TRABD2B: variants seen among roughly 807,000 people sequenced by gnomAD.
The protein encoded by TRABD2B is metalloprotease TIKI2.
A neutral mutation model predicts 40.1 loss-of-function variants in TRABD2B; 14 were observed. The ratio of observed to expected loss-of-function variants is 0.35; its 90% CI spans 0.23 to 0.55. TRABD2B has a LOEUF of 0.55. TRABD2B is among the 20% of genes least tolerant of loss of function. The pLI is 0.90. For missense variants in TRABD2B, 541 were observed against 648.6 expected (o/e 0.83, Z 1.80); for synonymous variants, 263 against 277.0 (o/e 0.95, Z 0.50).
intron 2 of TRABD2B, among the ~76,000 whole-genome samples, chr1:47,810,840 G>T (rs781463967): frequency 3.3e-5 from 5 of 152,202 alleles, no homozygotes; most frequent in Admixed American, 6.5e-5. Flanking sequence ...GCTGAGCATG[G>T]CCTGGACCAC....
chr1:47,827,804 G>A (rs971121880), intron 2 of TRABD2B, among the ~76,000 whole-genome samples: 1 of 151,330 alleles, frequency 6.6e-6, no homozygotes, highest in South Asian at 2.1e-4. Flanking sequence ...TATTAAACAG[G>A]AGGGATTTAA....
At chr1:47,863,372 T>TTTTATATATATATATATATATATA (rs1553159661) in intron 2 of TRABD2B, among the ~76,000 whole-genome samples, 4 of 66,492 alleles carry the variant, frequency 6.0e-5, no homozygotes, top group East Asian at 6.5e-4. Context: ...CTATATAATT[T>TTTTATATATATATATATATATATA]TATATATATA....
chr1:47,993,421 T>G (rs1646041508), intron 2 of TRABD2B, among the ~76,000 whole-genome samples: 1 of 152,218 alleles, frequency 6.6e-6, no homozygotes, highest in Admixed American at 6.5e-5. Context: ...GCGAACACGC[T>G]TCTCTGAAAT....
chr1:47,824,255 C>T lies in TRABD2B; in HGVS notation c.667-22636G>A, dbSNP rs182264086. Among the ~76,000 whole-genome samples, 57 of 152,310 alleles carry T rather than the reference C, an allele frequency of 3.7e-4. No individual in the cohort carries two copies. In the East Asian group the frequency reaches 7.5e-3, roughly 20 times the overall value. ...GAAGGCAGTGTCTGGGCAGGCCCAGCTCCTTAGGCAACACAGATGGGTAAA... is the reference window on the plus strand; with the variant it reads ...GAAGGCAGTGTCTGGGCAGGCCCAGTTCCTTAGGCAACACAGATGGGTAAA... On this transcript the variant is annotated intron_variant, in intron 2 of 6. Transcript: ENST00000606738.
intron 2 of TRABD2B, among the ~76,000 whole-genome samples, chr1:47,838,098 CAAAG>C (rs1645343919): frequency 6.6e-6 from 1 of 152,220 alleles, no homozygotes; most frequent in Non-Finnish European, 1.5e-5. Flanking sequence ...ACACAGCACT[CAAAG>C]GAAGCAGTGT....
At chr1:47,990,834 TAA>T (rs1344708745) in intron 2 of TRABD2B, among the ~76,000 whole-genome samples, 10 of 98,556 alleles carry the variant, frequency 1.0e-4, no homozygotes, top group Admixed American at 2.3e-4. Flanking sequence ...TATATATATA[TAA>T]AACGTTGGTT....
intron 5 of TRABD2B, among the ~76,000 whole-genome samples, chr1:47,777,162 A>G (rs529987740): frequency 6.6e-6 from 1 of 152,310 alleles, no homozygotes; most frequent in Non-Finnish European, 1.5e-5. Context: ...TGCCCTGGCC[A>G]GAACAGACAC....
intron 2 of TRABD2B, among the ~76,000 whole-genome samples, chr1:47,827,197 T>C (rs1326084755): frequency 6.6e-6 from 1 of 152,200 alleles, no homozygotes; most frequent in Non-Finnish European, 1.5e-5. Context: ...AGCCTCCGGC[T>C]CACAGGGTGT....
At chr1:47,904,471 G>A (rs946123773) in intron 2 of TRABD2B, among the ~76,000 whole-genome samples, 1 of 152,226 alleles carries the variant, frequency 6.6e-6, no homozygotes, top group Non-Finnish European at 1.5e-5. Flanking sequence ...ATGTTACCGT[G>A]TTACAGCAGT....
At position 47,783,088 on chromosome 1, in the gene TRABD2B, GAA is replaced by G. The variant is rs1644548250; in HGVS notation, c.989-4546_989-4545del. Among the ~76,000 whole-genome samples the G allele has an allele frequency of 5.9e-5, 9 of 152,220 alleles. 2 individuals carry two copies. In the South Asian group the frequency reaches 1.9e-3, roughly 32 times the overall value. The stretch of plus-strand genomic sequence containing the variant: ...TGCAGACAAAGAGAGGGAGAGAGGA[GAA>G]AGAGAGAGAGAGGTAGGGAGAAGAG... On this transcript the variant is annotated intron_variant, in intron 4 of 6. Transcript: ENST00000606738.
intron 2 of TRABD2B, among the ~76,000 whole-genome samples, chr1:47,824,606 T>C (rs1471434753): frequency 6.6e-6 from 1 of 152,172 alleles, no homozygotes; most frequent in African/African-American, 2.4e-5. Flanking sequence ...TTCATTCTGA[T>C]CTCAAACTTG....
chr1:47,957,211 C>T lies in TRABD2B; in HGVS notation c.666+36823G>A, dbSNP rs189338659. ...ACACCAAAACTCCATCTGTATGTCA[C>T]CATCATCAGAGACCAAAAGTAGATA... is the stretch of plus-strand genomic sequence containing the variant. On this transcript the variant is annotated intron_variant, in intron 2 of 6. Coordinates refer to ENST00000606738, the MANE Select transcript of TRABD2B (RefSeq NM_001194986.2). Among the ~76,000 whole-genome samples the T allele has an allele frequency of 2.4e-3, 371 of 152,290 alleles. 1 individual carries two copies. The highest frequency in any genetic ancestry group is 8.3e-3 in the African/African-American group (347 of 41,558).
chr1:47,993,948 CT>C, intron 2 of TRABD2B, 85 bp downstream of exon 2: 1 of 1,365,046 alleles, frequency 7.3e-7, no homozygotes, highest in Non-Finnish European at 9.7e-7. Context: ...CTGCCTCCCC[CT>C]CCCCCTCGGA....
At chr1:47,916,372 A>T (rs1055914369) in intron 2 of TRABD2B, among the ~76,000 whole-genome samples, 3 of 152,198 alleles carry the variant, frequency 2.0e-5, no homozygotes, top group African/African-American at 7.2e-5. Flanking sequence ...TGCCCCTGGC[A>T]TCAAGGGACT....
At position 47,813,914 on chromosome 1, in the gene TRABD2B, C is replaced by G. The variant is rs1422909914; in HGVS notation, c.667-12295G>C. Among the ~76,000 whole-genome samples, 6 of 152,148 alleles carry G rather than the reference C, an allele frequency of 3.9e-5. No homozygotes were observed. The highest frequency in any genetic ancestry group is 1.4e-4 in the African/African-American group (6 of 41,426). On this transcript the variant is annotated intron_variant, in intron 2 of 6. Transcript: ENST00000606738. This position sits in a 1 kb window ranked among gnomAD's most constrained non-coding sequence, Gnocchi z 4.3. ...TGTCCATCCTTGACAAGCTCAAAGG[C>G]AGGGTGGAGCAAGGGAGGAAGTTCC... is the stretch of plus-strand genomic sequence containing the variant.
At chr1:47,962,323 T>A (rs1259066932) in intron 2 of TRABD2B, among the ~76,000 whole-genome samples, 2 of 152,182 alleles carry the variant, frequency 1.3e-5, no homozygotes, top group Non-Finnish European at 2.9e-5. Flanking sequence ...GTACCAAACC[T>A]GCACGTTATG....
chr1:47,906,786 A>G (rs986499184), intron 2 of TRABD2B, among the ~76,000 whole-genome samples: 1 of 152,242 alleles, frequency 6.6e-6, no homozygotes. Context: ...AGGAACCTTA[A>G]AAGCAAAAGA....
intron 2 of TRABD2B, among the ~76,000 whole-genome samples, chr1:47,918,445 G>C (rs1298916929): frequency 2.0e-5 from 3 of 152,178 alleles, no homozygotes; most frequent in South Asian, 2.1e-4. Flanking sequence ...CAGGCTCAGA[G>C]GGACCTGTCC....
chr1:47,858,495 G>C (rs1346181575), intron 2 of TRABD2B, among the ~76,000 whole-genome samples: 1 of 152,188 alleles, frequency 6.6e-6, no homozygotes, highest in Non-Finnish European at 1.5e-5. Flanking sequence ...CTGGCCTCAA[G>C]TGATCCTCAC....
Sources: gnomAD v4.1 joint callset for allele counts (sites outside exome capture counted in the v4.1 genomes callset) on GRCh38, gnomAD v4.1.1 for gene constraint, Gnocchi (gnomAD v3.1) non-coding constraint, MANE v1.5 for transcripts, NCBI Gene and HGNC (gene_info 2026-07-23, HGNC 2026-07-21) for gene names.